Variants in ZBTB20 observed in about 807,000 individuals in gnomAD.
ZBTB20 encodes the protein zinc finger and BTB domain containing 20.
ZBTB20 carries 9 observed loss-of-function variants against 56.9 expected under a neutral mutation model. The observed-to-expected ratio is 0.16, with a 90% CI of 0.10 to 0.28. ZBTB20 has a LOEUF of 0.28. ZBTB20 is among the 10% of genes least tolerant of loss of function. The pLI is 1.00. For missense variants in ZBTB20, 655 were observed against 1,003.0 expected (o/e 0.65, Z 4.69); for synonymous variants, 417 against 420.7 (o/e 0.99, Z 0.11).
At chr3:114,991,197 T>G (rs1560469405) in intron 2 of ZBTB20, among the ~76,000 whole-genome samples, 1 of 152,196 alleles carries the variant, frequency 6.6e-6, no homozygotes, top group Non-Finnish European at 1.5e-5. Flanking sequence ...ATTGTGATGT[T>G]CGGGTGTCAA....
chr3:115,028,896 C>T (rs906130761), intron 2 of ZBTB20, among the ~76,000 whole-genome samples: 10 of 150,590 alleles, frequency 6.6e-5, no homozygotes, highest in African/African-American at 2.4e-4. Flanking sequence ...TAGTGGTATT[C>T]CCAGTGAAGC....
In ZBTB20 at chr3:114,695,894, TTAGAGAC is replaced by T. The variant is rs1452545308; in HGVS notation, c.-342-2326_-342-2320del. 2.0e-5 allele frequency among the ~76,000 whole-genome samples: 3 copies of T among 152,038 alleles called. No homozygotes were observed. In the South Asian group the frequency reaches 6.2e-4, roughly 31 times the overall value. ...TGCATGTGGGAATATGATATCCCAG[TTAGAGAC>T]TAGAATATTCTGACCAATTTTCATT... On this transcript the variant is annotated intron_variant, in intron 5 of 11. Transcript: ENST00000675478.
chr3:114,615,724 C>G, intron 6 of ZBTB20, among the ~76,000 whole-genome samples: 1 of 152,188 alleles, frequency 6.6e-6, no homozygotes, highest in Non-Finnish European at 1.5e-5. Context: ...CTTATCGCCT[C>G]AGCCTCTGGA....
chr3:114,472,908 G>A (rs2040306077), intron 7 of ZBTB20, among the ~76,000 whole-genome samples: 1 of 152,150 alleles, frequency 6.6e-6, no homozygotes, highest in Admixed American at 6.5e-5. Flanking sequence ...TTAAAGATAA[G>A]CCCATTAAGG....
intron 2 of ZBTB20, among the ~76,000 whole-genome samples, chr3:115,060,336 C>G (rs72943869): frequency 0.011 from 1,623 of 152,184 alleles, 33 homozygotes; most frequent in African/African-American, 0.037. Context: ...AATATACAGT[C>G]AATGAATGTG....
In ZBTB20 at chr3:114,314,986, A is replaced by G. The variant is rs1444831200; in HGVS notation, c.*24019T>C. On this transcript the variant is annotated 3_prime_UTR_variant, in exon 12 of 12. Transcript: ENST00000675478. ...GATGTGTGTATTTAGTCTATATTTT[A>G]AAGCACTTGATAGAAAAGGCGTATG... 1 of 152,198 alleles carries G rather than the reference A, an allele frequency of 6.6e-6. No individual in the cohort carries two copies. Among genetic ancestry groups the G allele is most frequent in the Middle Eastern group, 3.2e-3 (1 of 316 alleles). 9.4% of individuals were successfully genotyped at this position (152,198 alleles called of 1,614,324 possible).
intron 4 of ZBTB20, among the ~76,000 whole-genome samples, chr3:114,840,323 T>G (rs1424895715): frequency 6.6e-6 from 1 of 152,218 alleles, no homozygotes; most frequent in Non-Finnish European, 1.5e-5. Flanking sequence ...TTGTTTTCCT[T>G]GAAAATCAAC....
At chr3:114,468,021 T>G (rs566172281) in intron 7 of ZBTB20, among the ~76,000 whole-genome samples, 1 of 152,310 alleles carries the variant, frequency 6.6e-6, no homozygotes, top group South Asian at 2.1e-4. Context: ...TGTGGTCATG[T>G]TATTAAGTGC....
intron 2 of ZBTB20, among the ~76,000 whole-genome samples, chr3:114,980,656 T>C (rs909753292): frequency 6.6e-6 from 1 of 151,924 alleles, no homozygotes; most frequent in African/African-American, 2.4e-5. Context: ...ATTTATAGAA[T>C]ACTCTTATTC....
At chr3:114,829,959 T>G (rs1158248442) in intron 4 of ZBTB20, among the ~76,000 whole-genome samples, 1 of 151,878 alleles carries the variant, frequency 6.6e-6, no homozygotes, top group Admixed American at 6.6e-5. Context: ...ACTCTTCAAG[T>G]CAGACAGCAT....
intron 3 of ZBTB20, among the ~76,000 whole-genome samples, chr3:114,968,949 A>G (rs183664260): frequency 3.5e-4 from 53 of 152,310 alleles, no homozygotes; most frequent in Admixed American, 9.8e-4. Context: ...ACAATTTTTA[A>G]TCTACAAGTC....
intron 4 of ZBTB20, among the ~76,000 whole-genome samples, chr3:114,853,643 A>G (rs1576112350): frequency 6.6e-6 from 1 of 152,318 alleles, no homozygotes; most frequent in East Asian, 1.9e-4. Flanking sequence ...ACATTCATTG[A>G]CCATTTATAT....
At chr3:114,433,993 T>C (rs931361481) in intron 7 of ZBTB20, among the ~76,000 whole-genome samples, 5 of 152,184 alleles carry the variant, frequency 3.3e-5, no homozygotes, top group African/African-American at 1.2e-4. Context: ...GGTCACCCCA[T>C]AATTAATGTT....
chr3:114,711,418 T>A (rs574719913), intron 5 of ZBTB20, among the ~76,000 whole-genome samples: 1 of 152,182 alleles, frequency 6.6e-6, no homozygotes, highest in South Asian at 2.1e-4. Flanking sequence ...AAATAGGAAA[T>A]CTTTATTCTG....
chr3:114,594,266 C>A (rs908902803), intron 6 of ZBTB20, among the ~76,000 whole-genome samples: 5 of 132,312 alleles, frequency 3.8e-5, no homozygotes, highest in African/African-American at 1.4e-4. Flanking sequence ...TTCTCATATT[C>A]TTTTTTTTTT....
In ZBTB20 at chr3:114,380,778, G is replaced by T. The variant is rs1003856768; in HGVS notation, c.10C>A (p.Arg4=). The T allele has an allele frequency of 6.6e-7, 1 of 1,510,856 alleles. No individual in the cohort carries two copies. Among genetic ancestry groups the T allele is most frequent in the African/African-American group, 1.4e-5 (1 of 71,784 alleles). The allele number at this position is 1,510,856 out of a possible 1,614,324, so 93.6% of individuals were successfully genotyped here. A position where few individuals can be genotyped will look rare whatever the true frequency, so the allele number is the denominator to read the frequency against. The change falls in exon 9 of 12, where the codon CGG becomes AGG. Residue 4 remains arginine, a splice_region_variant and synonymous_variant. Coordinates refer to ENST00000675478, the MANE Select transcript of ZBTB20 (RefSeq NM_001348800.3). MLE[R]KKPKTAENQK... Reference sequence around the variant, plus strand: ...GAAAAATACTAGTGGAAGTTTTACCGTTCTAGCATTTGTCAGGAAGCTTAG... The same window carrying T: ...GAAAAATACTAGTGGAAGTTTTACCTTTCTAGCATTTGTCAGGAAGCTTAG...
chr3:114,467,358 A>G (rs143008357), intron 7 of ZBTB20, among the ~76,000 whole-genome samples: 1 of 152,318 alleles, frequency 6.6e-6, no homozygotes, highest in African/African-American at 2.4e-5. Context: ...ACAAACTTAC[A>G]TTTTGTGGGC....
At chr3:114,680,580 GAT>G (rs1482804813) in intron 6 of ZBTB20, among the ~76,000 whole-genome samples, 1 of 152,162 alleles carries the variant, frequency 6.6e-6, no homozygotes, top group Non-Finnish European at 1.5e-5. Context: ...AGATAAATAA[GAT>G]AGAGTCATTC....
intron 5 of ZBTB20, among the ~76,000 whole-genome samples, chr3:114,782,950 T>A (rs1560244365): frequency 6.6e-6 from 1 of 152,182 alleles, no homozygotes; most frequent in Non-Finnish European, 1.5e-5. Flanking sequence ...TGTATGGCAA[T>A]CAGTCCAGTA....
Sources: gnomAD v4.1 joint callset for allele counts (sites outside exome capture counted in the v4.1 genomes callset) on GRCh38, gnomAD v4.1.1 for gene constraint, MANE v1.5 for transcripts, NCBI Gene and HGNC (gene_info 2026-07-23, HGNC 2026-07-21) for gene names.